KCNH3: variants seen among roughly 807,000 people sequenced by gnomAD.
KCNH3 encodes potassium voltage-gated channel subfamily H member 3, also known as voltage-gated inwardly rectifying potassium channel KCNH3.
KCNH3 carries 36 observed loss-of-function variants against 95.6 expected under a neutral mutation model. That is an observed-to-expected ratio of 0.38 (90% CI 0.29 to 0.50). The LOEUF (loss-of-function observed/expected upper bound fraction) is 0.50, where lower values mean the gene tolerates loss of function less well. Among genes scored for constraint, KCNH3 ranks in the 20% least tolerant of loss-of-function variants. The pLI, the probability that KCNH3 is intolerant of heterozygous loss-of-function variation, is 0.95. For synonymous variants in KCNH3, 620 were observed against 646.3 expected, an observed-to-expected ratio of 0.96 and a Z score of 0.62; for missense variants, 1,030 against 1,484.1, an observed-to-expected ratio of 0.69 and a Z score of 5.03.
chr12:49,543,742 C>A, intron 5 of KCNH3, 173 bp from the exon 6 acceptor site: 2 of 1,055,250 alleles, frequency 1.9e-6, no homozygotes, highest in Non-Finnish European at 2.7e-6. Context: ...AATAGATTCC[C>A]CCTTTGTAAA....
chr12:49,541,832 A>C, intron 3 of KCNH3, 68 bp downstream of exon 3: 1 of 1,573,810 alleles, frequency 6.4e-7, no homozygotes, highest in Non-Finnish European at 8.6e-7. Context: ...CTTGGCACCC[A>C]GTCTGAGTAC....
rs887582232 is a variant in KCNH3 at position 49,550,440 on chromosome 12, G to A, written c.1918+111G>A. The A allele has an allele frequency of 5.1e-6, 7 of 1,373,912 alleles. No homozygotes were observed. The African/African-American group carries it at 8.7e-5, about 17-fold the overall frequency. 85.1% of individuals were successfully genotyped at this position (1,373,912 alleles called of 1,614,324 possible). A position where few individuals can be genotyped will look rare whatever the true frequency, so the allele number is the denominator to read the frequency against. On this transcript the variant is annotated intron_variant, in intron 10 of 14. Coordinates refer to ENST00000257981, the MANE Select transcript of KCNH3 (RefSeq NM_012284.3). ...CCACAAGGCCACTGAGAGAGAAACA[G>A]CCAGGGTGGAGTCAGGAGTAGTTAT...
intron 7 of KCNH3, among the ~76,000 whole-genome samples, chr12:49,547,672 C>G (rs1171030395): frequency 6.6e-6 from 1 of 152,036 alleles, no homozygotes; most frequent in Non-Finnish European, 1.5e-5. Context: ...GGGTGGATGA[C>G]AAGTGTGTGC....
chr12:49,544,087 G>A lies in KCNH3; in HGVS notation c.981+15G>A, dbSNP rs1311952557. ...AGGTCAACGTGGTCAGTGTGGCTGGGCTGGCTGGGTGGGTGGGCTTGGCCA... is the reference window on the plus strand; with the variant it reads ...AGGTCAACGTGGTCAGTGTGGCTGGACTGGCTGGGTGGGTGGGCTTGGCCA... On this transcript the variant is annotated intron_variant, in intron 6 of 14. Coordinates refer to ENST00000257981, the MANE Select transcript of KCNH3 (RefSeq NM_012284.3). 1.2e-6 allele frequency: 2 copies of A among 1,607,634 alleles called. 1 individual carries two copies.
chr12:49,544,142 C>CCCTT, intron 6 of KCNH3, 33 bp from the exon 7 acceptor site: 1 of 1,014,530 alleles, frequency 9.9e-7, no homozygotes. Flanking sequence ...CCGCTGACCT[C>CCCTT]CCTCCCTCCC....
At chr12:49,549,347 C>A in intron 8 of KCNH3, 94 bp from the exon 9 acceptor site, 2 of 1,519,864 alleles carry the variant, frequency 1.3e-6, no homozygotes, top group South Asian at 1.2e-5. Flanking sequence ...TCAGGCCTTG[C>A]CTAGGAGCGT....
intron 2 of KCNH3, 80 bp from the exon 3 acceptor site, chr12:49,541,550 G>C: frequency 1.3e-6 from 2 of 1,530,744 alleles, no homozygotes; most frequent in Non-Finnish European, 8.9e-7. Context: ...TCTTGCCCGG[G>C]ATGTCAGTGG....
At chr12:49,545,248 A>C (rs1592501076) in intron 7 of KCNH3, among the ~76,000 whole-genome samples, 1 of 148,490 alleles carries the variant, frequency 6.7e-6, no homozygotes, top group Admixed American at 6.7e-5. Context: ...CTCAACTTCC[A>C]CCCTTTCTCT....
intron 13 of KCNH3, chr12:49,556,693 C>T: frequency 2.9e-6 from 2 of 696,898 alleles, no homozygotes; most frequent in South Asian, 1.5e-5. Context: ...GGTTTATATC[C>T]TTGCTCTGTC....
chr12:49,547,226 G>C (rs1022772895), intron 7 of KCNH3, among the ~76,000 whole-genome samples: 6 of 152,160 alleles, frequency 3.9e-5, no homozygotes, highest in African/African-American at 1.4e-4. Context: ...GCACATCTCA[G>C]ATAATGGGAA....
intron 13 of KCNH3, chr12:49,556,785 A>C: frequency 3.1e-6 from 2 of 651,596 alleles, no homozygotes; most frequent in Non-Finnish European, 5.7e-6. Flanking sequence ...ACGTTATATA[A>C]TGTAACTGAA....
At chr12:49,556,215 T>C (rs1023607485) in intron 12 of KCNH3, 155 bp from the exon 13 acceptor site, 1 of 660,566 alleles carries the variant, frequency 1.5e-6, no homozygotes, top group African/African-American at 1.8e-5. Flanking sequence ...TGTAAGCTCC[T>C]AGGGGAAGGG....
chr12:49,542,210 T>C (rs1473156866), intron 3 of KCNH3, among the ~76,000 whole-genome samples: 2 of 152,182 alleles, frequency 1.3e-5, no homozygotes, highest in Non-Finnish European at 2.9e-5. Context: ...TACAAAGCTG[T>C]CAAGGCCTCT....
intron 7 of KCNH3, among the ~76,000 whole-genome samples, chr12:49,546,971 T>C (rs146869712): frequency 0.016 from 2,411 of 152,338 alleles, 62 homozygotes; most frequent in African/African-American, 0.054. Context: ...CTCGGCTCAC[T>C]GCAACCTCCG....
In KCNH3 at chr12:49,554,383, G is replaced by A. The variant is rs1938361396; in HGVS notation, c.1965G>A (p.Val655=). 3 of 1,613,306 alleles carry A rather than the reference G, an allele frequency of 1.9e-6. No homozygotes were observed. Among genetic ancestry groups the A allele is most frequent in the Non-Finnish European group, 2.5e-6 (3 of 1,180,034 alleles). The change falls in exon 11 of 15, where the codon GTG becomes GTA. Residue 655 remains valine, a synonymous_variant. Coordinates refer to ENST00000257981, the MANE Select transcript of KCNH3 (RefSeq NM_012284.3). Reference sequence around the variant, plus strand: ...GTGAGCTGCCCCGGCGGGAGCAGGTGGTAAAGGCCAATGCCGACGTGAAGG... The same window carrying A: ...GTGAGCTGCCCCGGCGGGAGCAGGTAGTAAAGGCCAATGCCGACGTGAAGG... ...IGCELPRREQ[V]VKANADVKGL...
chr12:49,556,539 C>G (rs1938452808), intron 13 of KCNH3, 63 bp downstream of exon 13: 1 of 1,132,716 alleles, frequency 8.8e-7, no homozygotes, highest in African/African-American at 1.5e-5. Flanking sequence ...GAACCTCAAG[C>G]ACTGTTGACC....
chr12:49,550,048 A>ACCCCCCC, intron 9 of KCNH3, 32 bp from the exon 10 acceptor site: 19 of 800,654 alleles, frequency 2.4e-5, no homozygotes, highest in South Asian at 9.1e-5. Context: ...GCCACTCCCA[A>ACCCCCCC]CCCCCCCACC....
At chr12:49,552,370 A>G (rs1007601047) in intron 10 of KCNH3, among the ~76,000 whole-genome samples, 4 of 152,158 alleles carry the variant, frequency 2.6e-5, no homozygotes, top group Non-Finnish European at 5.9e-5. Flanking sequence ...TGCCTCTACA[A>G]TGTCCCTAGC....
chr12:49,557,061 G>A (rs1938485143), intron 13 of KCNH3, 122 bp from the exon 14 acceptor site: 1 of 963,246 alleles, frequency 1.0e-6, no homozygotes, highest in Non-Finnish European at 1.6e-6. Flanking sequence ...GGCCAGAAGA[G>A]ATGATCCTAG....
Sources: allele counts gnomAD v4.1 joint callset (sites outside exome capture counted in the v4.1 genomes callset), GRCh38; gene constraint gnomAD v4.1.1; transcripts MANE v1.5; gene names NCBI Gene and HGNC (gene_info 2026-07-23, HGNC 2026-07-21).